Variants in SGCZ observed in about 807,000 individuals in gnomAD.
The protein encoded by SGCZ is sarcoglycan zeta, also known as zeta-sarcoglycan.
Under a neutral mutation model 41.3 loss-of-function variants are expected in SGCZ, and 40 were observed. That is an observed-to-expected ratio of 0.97 (90% CI 0.75 to 1.26). SGCZ has a LOEUF of 1.26. Among genes scored for constraint, SGCZ ranks in the 50% most tolerant of loss-of-function variants. The probability of loss-of-function intolerance (pLI) is 0.00; values close to 1 mark genes in which losing one functional copy is unlikely to be tolerated. For synonymous variants in SGCZ, 206 were observed against 137.5 expected (o/e 1.50, Z -3.49); for missense variants, 552 against 369.8 (o/e 1.49, Z -4.04).
intron 2 of SGCZ, among the ~76,000 whole-genome samples, chr8:14,359,032 G>C (rs1269582394): frequency 1.3e-5 from 2 of 151,732 alleles, no homozygotes; most frequent in Admixed American, 6.6e-5. Context: ...CTTTTAATTA[G>C]GATTTTTCTT....
At chr8:14,722,046 G>A (rs1023787347) in intron 1 of SGCZ, among the ~76,000 whole-genome samples, 3 of 152,230 alleles carry the variant, frequency 2.0e-5, no homozygotes, top group Non-Finnish European at 4.4e-5. Context: ...CATCTTCTCA[G>A]TAGTGTTCCC....
intron 4 of SGCZ, among the ~76,000 whole-genome samples, chr8:14,181,061 G>T (rs1319318734): frequency 1.3e-5 from 2 of 152,122 alleles, no homozygotes; most frequent in Non-Finnish European, 2.9e-5. Flanking sequence ...CCCCCTCCTA[G>T]GGAGGGAAGC....
chr8:14,624,759 C>T (rs1033174841), intron 1 of SGCZ, among the ~76,000 whole-genome samples: 5 of 151,008 alleles, frequency 3.3e-5, no homozygotes, highest in South Asian at 2.1e-4. Flanking sequence ...TTAGTAGAGA[C>T]GGGGTTTCAC....
intron 1 of SGCZ, among the ~76,000 whole-genome samples, chr8:14,668,720 G>A (rs901377782): frequency 2.0e-5 from 3 of 152,150 alleles, no homozygotes; most frequent in Non-Finnish European, 4.4e-5. Context: ...TAACCTAGAA[G>A]AATTTATATG....
At chr8:14,094,140 T>A (rs867591041) in intron 7 of SGCZ, among the ~76,000 whole-genome samples, 34 of 152,228 alleles carry the variant, frequency 2.2e-4, no homozygotes, top group African/African-American at 4.6e-4. Context: ...ACCCTTTTTT[T>A]AAAAAGATTT....
intron 1 of SGCZ, among the ~76,000 whole-genome samples, chr8:15,052,527 G>A (rs943518057): frequency 6.6e-6 from 1 of 152,030 alleles, no homozygotes; most frequent in Non-Finnish European, 1.5e-5. Context: ...TTGCACTGTG[G>A]GCTTCGTTCT....
At chr8:14,330,508 A>C (rs1296206099) in intron 2 of SGCZ, among the ~76,000 whole-genome samples, 1 of 152,100 alleles carries the variant, frequency 6.6e-6, no homozygotes, top group East Asian at 1.9e-4. Context: ...AGACCGAATG[A>C]AAAAATAATA....
chr8:14,411,047 T>G lies in SGCZ; in HGVS notation c.235-86843A>C, dbSNP rs183380624. The stretch of plus-strand genomic sequence containing the variant: ...CAATTACAATTCCAGATAGAAATAT[T>G]TTAAAAAGCTAAAGAACATTTAGAT... On this transcript the variant is annotated intron_variant, in intron 2 of 7. Coordinates refer to ENST00000382080, the MANE Select transcript of SGCZ (RefSeq NM_139167.4). Among the ~76,000 whole-genome samples, 7 of 152,240 alleles carry G rather than the reference T, an allele frequency of 4.6e-5. No individual in the cohort carries two copies. The East Asian group carries it at 1.2e-3, about 25-fold the overall frequency.
chr8:14,448,862 G>T (rs555669462), intron 2 of SGCZ, among the ~76,000 whole-genome samples: 11 of 152,240 alleles, frequency 7.2e-5, no homozygotes, highest in Admixed American at 5.2e-4. Context: ...CACTGACATA[G>T]CTGGGCGCTG....
chr8:14,114,144 CT>C (rs1802453334), intron 5 of SGCZ, among the ~76,000 whole-genome samples: 1 of 151,984 alleles, frequency 6.6e-6, no homozygotes, highest in Middle Eastern at 3.2e-3. Flanking sequence ...CAGTTGTATA[CT>C]TAGTACTGAT....
intron 2 of SGCZ, among the ~76,000 whole-genome samples, chr8:14,453,111 AAAT>A (rs950936119): frequency 6.6e-6 from 1 of 152,126 alleles, no homozygotes. Context: ...TGGTCTCAAA[AAAT>A]AATAATAATA....
In SGCZ at chr8:15,078,428, T is replaced by C. The variant is rs190333990; in HGVS notation, c.39+159157A>G. 5.3e-5 allele frequency among the ~76,000 whole-genome samples: 8 copies of C among 152,102 alleles called. No individual in the cohort carries two copies. The East Asian group carries it at 7.8e-4, about 15-fold the overall frequency. ...TCTCTATCTCAGGTCAGGACTCCAT[T>C]GCCTTTCTTGTGAAAAACTGGTATC... is the stretch of plus-strand genomic sequence containing the variant. On this transcript the variant is annotated intron_variant, in intron 1 of 7. Coordinates refer to ENST00000382080, the MANE Select transcript of SGCZ (RefSeq NM_139167.4).
intron 2 of SGCZ, among the ~76,000 whole-genome samples, chr8:14,456,072 C>T (rs530976828): frequency 6.6e-6 from 1 of 152,082 alleles, no homozygotes; most frequent in African/African-American, 2.4e-5. Flanking sequence ...GTGACGCTTG[C>T]ACAACTCTGC....
intron 1 of SGCZ, among the ~76,000 whole-genome samples, chr8:14,786,304 G>C (rs891714619): frequency 2.0e-5 from 3 of 151,986 alleles, no homozygotes; most frequent in Non-Finnish European, 4.4e-5. Context: ...ATAGAGCATT[G>C]AAAGACAAAT....
chr8:14,673,291 C>T lies in SGCZ; in HGVS notation c.40-118365G>A, dbSNP rs145277106. On this transcript the variant is annotated intron_variant, in intron 1 of 7. Transcript: ENST00000382080. ...ACTGTAATTCCCACATGTCAAGGGA[C>T]GGACCTGGTGGGAGGTGATTGTATC... Among the ~76,000 whole-genome samples the T allele has an allele frequency of 4.2e-3, 641 of 152,306 alleles. 7 individuals carry two copies. The highest frequency in any genetic ancestry group is 0.029 in the South Asian group (139 of 4,830).
chr8:15,153,744 A>T (rs566273345), intron 1 of SGCZ, among the ~76,000 whole-genome samples: 46 of 152,174 alleles, frequency 3.0e-4, no homozygotes, highest in African/African-American at 1.1e-3. Context: ...AAGTTTCTCC[A>T]AGCCTCCTCA....
chr8:14,365,811 G>T (rs558851612), intron 2 of SGCZ, among the ~76,000 whole-genome samples: 6 of 151,950 alleles, frequency 3.9e-5, no homozygotes, highest in African/African-American at 1.4e-4. Flanking sequence ...ATTGGGATAA[G>T]GCTGTTAATA....
intron 3 of SGCZ, among the ~76,000 whole-genome samples, chr8:14,314,574 T>C (rs986448595): frequency 1.3e-5 from 2 of 152,066 alleles, no homozygotes; most frequent in Non-Finnish European, 2.9e-5. Flanking sequence ...AGTAAAGTAA[T>C]AAGAATAAAA....
At chr8:14,784,044 T>G (rs1425333210) in intron 1 of SGCZ, among the ~76,000 whole-genome samples, 3 of 129,122 alleles carry the variant, frequency 2.3e-5, no homozygotes, top group South Asian at 2.7e-4. Context: ...GATTGTAATT[T>G]AATTTAATGT....
Sources: gnomAD v4.1 joint callset for allele counts (sites outside exome capture counted in the v4.1 genomes callset) on GRCh38, gnomAD v4.1.1 for gene constraint, MANE v1.5 for transcripts, NCBI Gene and HGNC (gene_info 2026-07-23, HGNC 2026-07-21) for gene names.